ST7: variants seen among roughly 807,000 people sequenced by gnomAD.
The protein encoded by ST7 is suppression of tumorigenicity 7.
ST7 carries 28 observed loss-of-function variants against 78.7 expected under a neutral mutation model. The observed-to-expected ratio is 0.36, with a 90% CI of 0.26 to 0.49. The LOEUF (loss-of-function observed/expected upper bound fraction) is 0.49. ST7 is among the 20% of genes least tolerant of loss of function. The pLI is 0.99. For synonymous variants in ST7, 247 were observed against 249.6 expected (o/e 0.99, Z 0.10); for missense variants, 418 against 696.0 (o/e 0.60, Z 4.49).
At chr7:117,188,824 C>T (rs979904649) in intron 10 of ST7, among the ~76,000 whole-genome samples, 2 of 151,846 alleles carry the variant, frequency 1.3e-5, no homozygotes, top group African/African-American at 2.4e-5. Flanking sequence ...TGAATGTAAA[C>T]TTGAAATTTA....
intron 1 of ST7, among the ~76,000 whole-genome samples, chr7:117,048,804 A>T (rs1445266427): frequency 6.6e-6 from 1 of 152,004 alleles, no homozygotes; most frequent in African/African-American, 2.4e-5. Context: ...CACTTTCATT[A>T]TGTTCCCTTT....
At chr7:117,110,696 AAATT>A (rs1192911457) in intron 2 of ST7, among the ~76,000 whole-genome samples, 1 of 151,286 alleles carries the variant, frequency 6.6e-6, no homozygotes, top group Non-Finnish European at 1.5e-5. Flanking sequence ...CACAGGCTAT[AAATT>A]AATTACCTCC....
At chr7:117,036,019 A>G (rs1282082843) in intron 1 of ST7, among the ~76,000 whole-genome samples, 2 of 152,230 alleles carry the variant, frequency 1.3e-5, no homozygotes, top group Admixed American at 1.3e-4. Flanking sequence ...TTCTTAGGAT[A>G]TTAGCGTTAT....
chr7:116,986,682 A>G (rs1794207006), intron 1 of ST7, among the ~76,000 whole-genome samples: 1 of 152,172 alleles, frequency 6.6e-6, no homozygotes, highest in African/African-American at 2.4e-5. Flanking sequence ...TGGCGGAAAG[A>G]CTAGTTTTGG....
At chr7:117,109,161 G>T (rs1041870363) in intron 2 of ST7, among the ~76,000 whole-genome samples, 3 of 152,128 alleles carry the variant, frequency 2.0e-5, no homozygotes, top group African/African-American at 7.2e-5. Context: ...GTGAAAGTGG[G>T]CATCCTTGTC....
chr7:117,222,125 A>T, intron 15 of ST7, 63 bp downstream of exon 15: 1 of 1,526,958 alleles, frequency 6.5e-7, no homozygotes, highest in Non-Finnish European at 8.7e-7. Flanking sequence ...GCATAAAAGC[A>T]GCGTGAGAGA....
chr7:117,216,979 G>A (rs994802096), intron 13 of ST7, among the ~76,000 whole-genome samples: 1 of 152,070 alleles, frequency 6.6e-6, no homozygotes, highest in Admixed American at 6.5e-5. Context: ...AAAGGAAAAG[G>A]CCAACTTGAC....
chr7:116,982,903 A>T (rs10255349), intron 1 of ST7, among the ~76,000 whole-genome samples: 148,146 of 152,198 alleles, frequency 0.97, 72,218 homozygotes, highest in South Asian at 1. Context: ...GTATATATAT[A>T]TTTTTTGTTT....
chr7:117,013,928 C>T (rs1046628019), intron 1 of ST7, among the ~76,000 whole-genome samples: 2 of 152,190 alleles, frequency 1.3e-5, no homozygotes, highest in Non-Finnish European at 2.9e-5. Flanking sequence ...TTGTATTACG[C>T]ACTTTTGATA....
intron 1 of ST7, among the ~76,000 whole-genome samples, chr7:117,095,111 C>T (rs1166206645): frequency 6.6e-6 from 1 of 152,112 alleles, no homozygotes; most frequent in Non-Finnish European, 1.5e-5. Context: ...GTGGAATATA[C>T]GTAAGGAGGC....
intron 1 of ST7, among the ~76,000 whole-genome samples, chr7:117,023,777 T>TTG (rs140352486): frequency 2.0e-5 from 3 of 147,896 alleles, no homozygotes; most frequent in Admixed American, 6.8e-5. Context: ...CTTAATTTGA[T>TTG]TATATATATA....
At chr7:117,144,785 T>C (rs1805618190) in intron 9 of ST7, among the ~76,000 whole-genome samples, 1 of 152,196 alleles carries the variant, frequency 6.6e-6, no homozygotes, top group South Asian at 2.1e-4. Flanking sequence ...TGTCTATTTT[T>C]TGTATTTAGG....
At chr7:117,110,341 A>T (rs929665981) in intron 2 of ST7, among the ~76,000 whole-genome samples, 1 of 152,202 alleles carries the variant, frequency 6.6e-6, no homozygotes, top group African/African-American at 2.4e-5. Context: ...CTCCTCTCAG[A>T]GGAGGGTCAC....
chr7:117,127,808 T>C (rs544424725), intron 3 of ST7, among the ~76,000 whole-genome samples: 2 of 152,058 alleles, frequency 1.3e-5, no homozygotes, highest in African/African-American at 4.8e-5. Context: ...AGAGCATCTT[T>C]AGATACTGCT....
chr7:117,035,917 T>C (rs901810620), intron 1 of ST7, among the ~76,000 whole-genome samples: 1 of 152,200 alleles, frequency 6.6e-6, no homozygotes, highest in African/African-American at 2.4e-5. Flanking sequence ...AAATTTTTGC[T>C]GATAATATGA....
intron 9 of ST7, among the ~76,000 whole-genome samples, chr7:117,167,146 G>A (rs1439980860): frequency 6.6e-6 from 1 of 150,574 alleles, no homozygotes; most frequent in African/African-American, 2.4e-5. Context: ...ACGTATACAT[G>A]TGCCATGCTG....
intron 1 of ST7, among the ~76,000 whole-genome samples, chr7:116,969,715 C>T (rs1180460391): frequency 6.6e-6 from 1 of 152,132 alleles, no homozygotes; most frequent in Non-Finnish European, 1.5e-5. Context: ...AAGGAGTCAG[C>T]CATCATCACT....
intron 10 of ST7, among the ~76,000 whole-genome samples, chr7:117,182,206 C>T (rs38876): frequency 0.086 from 13,100 of 152,172 alleles, 866 homozygotes; most frequent in East Asian, 0.2. Context: ...TTCATTTTCC[C>T]CATCTATAAA....
chr7:117,080,799 T>A (rs1383829323), intron 1 of ST7: 3 of 152,230 alleles, frequency 2.0e-5, no homozygotes, highest in Admixed American at 6.5e-5. Context: ...ATATTTTGGT[T>A]GAATATATAT....
Sources: gnomAD v4.1 joint callset for allele counts (sites outside exome capture counted in the v4.1 genomes callset) on GRCh38, gnomAD v4.1.1 for gene constraint, MANE v1.5 for transcripts, NCBI Gene and HGNC (gene_info 2026-07-23, HGNC 2026-07-21) for gene names.